Variants in CDH8 observed in about 807,000 individuals in gnomAD.
The protein encoded by CDH8 is cadherin 8.
A neutral mutation model predicts 68.1 loss-of-function variants in CDH8; 17 were observed. The observed-to-expected ratio is 0.25, with a 90% CI of 0.17 to 0.37. The LOEUF (loss-of-function observed/expected upper bound fraction) is 0.37, where lower values mean the gene tolerates loss of function less well. Ranked by LOEUF, CDH8 falls within the 10% of genes least tolerant of loss-of-function variation. The probability of loss-of-function intolerance (pLI) is 1.00; values close to 1 mark genes in which losing one functional copy is unlikely to be tolerated. For synonymous variants in CDH8, 372 were observed against 365.1 expected (o/e 1.02, Z -0.21); for missense variants, 763 against 999.3 (o/e 0.76, Z 3.19).
chr16:61,837,044 T>C (rs1359010623), intron 4 of CDH8, among the ~76,000 whole-genome samples: 1 of 151,946 alleles, frequency 6.6e-6, no homozygotes, highest in Admixed American at 6.6e-5. Context: ...TTTGAAATCC[T>C]CCTACATTCT....
chr16:61,675,613 A>T (rs1026106471), intron 10 of CDH8, among the ~76,000 whole-genome samples: 83 of 82,360 alleles, frequency 1.0e-3, no homozygotes, highest in Non-Finnish European at 1.4e-3. Context: ...AAAAAATAAA[A>T]AAAATAAAAA....
At chr16:61,958,840 A>G (rs1289359800) in intron 2 of CDH8, among the ~76,000 whole-genome samples, 1 of 152,178 alleles carries the variant, frequency 6.6e-6, no homozygotes, top group Non-Finnish European at 1.5e-5. Context: ...TCTCTACTCA[A>G]GAGTATGACA....
At chr16:61,979,572 G>A (rs571572718) in intron 2 of CDH8, among the ~76,000 whole-genome samples, 578 of 151,950 alleles carry the variant, frequency 3.8e-3, no homozygotes, top group Non-Finnish European at 5.5e-3. Flanking sequence ...AATAGGCACA[G>A]GGGGTAAAAA....
At chr16:61,774,208 A>T (rs1181083230) in intron 8 of CDH8, among the ~76,000 whole-genome samples, 3 of 152,002 alleles carry the variant, frequency 2.0e-5, no homozygotes, top group African/African-American at 4.8e-5. Context: ...GCATTATTCA[A>T]GGCTTACCTC....
chr16:62,019,367 A>C (rs1182532507), intron 2 of CDH8, among the ~76,000 whole-genome samples: 1 of 152,198 alleles, frequency 6.6e-6, no homozygotes, highest in East Asian at 1.9e-4. Flanking sequence ...ATAATTTACC[A>C]GCTCTGTGAT....
At chr16:61,720,597 C>G (rs1959209588) in intron 9 of CDH8, among the ~76,000 whole-genome samples, 1 of 150,800 alleles carries the variant, frequency 6.6e-6, no homozygotes, top group Non-Finnish European at 1.5e-5. Context: ...GCAAGTAAAA[C>G]TTCGAAAGGT....
chr16:61,744,947 G>T, intron 8 of CDH8, among the ~76,000 whole-genome samples: 1 of 147,682 alleles, frequency 6.8e-6, no homozygotes. Context: ...ATATTATTTT[G>T]TATTTTTCCA....
At chr16:61,766,352 T>C (rs1440357770) in intron 8 of CDH8, among the ~76,000 whole-genome samples, 1 of 152,022 alleles carries the variant, frequency 6.6e-6, no homozygotes, top group Non-Finnish European at 1.5e-5. Context: ...TTCCATGGTA[T>C]ACATACATAT....
intron 8 of CDH8, among the ~76,000 whole-genome samples, chr16:61,781,696 T>C (rs1961060507): frequency 6.6e-6 from 1 of 152,184 alleles, no homozygotes; most frequent in African/African-American, 2.4e-5. Flanking sequence ...GAAGACTGGA[T>C]TTTTTTGAGC....
At chr16:61,989,191 T>C (rs1266035125) in intron 2 of CDH8, among the ~76,000 whole-genome samples, 6 of 152,146 alleles carry the variant, frequency 3.9e-5, no homozygotes, top group African/African-American at 1.4e-4. Context: ...AGATGAAAAA[T>C]AAAAGGGATG....
intron 3 of CDH8, among the ~76,000 whole-genome samples, chr16:61,863,751 C>T (rs1204566497): frequency 6.6e-6 from 1 of 152,132 alleles, no homozygotes; most frequent in African/African-American, 2.4e-5. Flanking sequence ...CAGAACAATG[C>T]ACATTCTTGG....
At chr16:61,913,994 T>A (rs1170120022) in intron 2 of CDH8, among the ~76,000 whole-genome samples, 1 of 152,088 alleles carries the variant, frequency 6.6e-6, no homozygotes, top group African/African-American at 2.4e-5. Flanking sequence ...CAAAAATGAT[T>A]ATGTTGAAAT....
chr16:61,852,756 T>C (rs1962961760), intron 4 of CDH8, among the ~76,000 whole-genome samples: 1 of 152,058 alleles, frequency 6.6e-6, no homozygotes, highest in South Asian at 2.1e-4. Flanking sequence ...TTTCTCTTTC[T>C]ATTAATTTGC....
Position 61,789,365 on chromosome 16 carries a change from T to A in CDH8, c.1395A>T (p.Thr465=), listed in dbSNP as rs758350265. The A allele has an allele frequency of 1.2e-6, 2 of 1,611,552 alleles. No homozygotes were observed. The highest frequency in any genetic ancestry group is 2.2e-5 in the East Asian group (1 of 44,716). The change falls in exon 8 of 12, where the codon ACA becomes ACT. Residue 465 remains threonine, a synonymous_variant. Coordinates refer to ENST00000577390, the MANE Select transcript of CDH8 (RefSeq NM_001796.5). The part of the protein sequence containing the change: ...DRELSVWHNI[T]IIATEIRNHS... ...ACTTACTAATTTCAGTAGCAATGAT[T>A]GTTATGTTGTGCCATACACTTAATT...
Position 61,972,986 on chromosome 16 carries a change from T to C in CDH8, c.252+48166A>G, listed in dbSNP as rs112591799. Among the ~76,000 whole-genome samples the C allele has an allele frequency of 3.9e-3, 588 of 152,282 alleles. 9 individuals are homozygous for C. The highest frequency in any genetic ancestry group is 0.013 in the African/African-American group (546 of 41,566). On this transcript the variant is annotated intron_variant, in intron 2 of 11. Transcript: ENST00000577390. ...GCTACTTTCTCCAAGTAACAGAAAA[T>C]TCAAGTCTAAATAGCTGAAAATACA... is the stretch of plus-strand genomic sequence containing the variant.
At chr16:61,894,419 T>G (rs994887624) in intron 3 of CDH8, among the ~76,000 whole-genome samples, 2 of 152,168 alleles carry the variant, frequency 1.3e-5, no homozygotes, top group Non-Finnish European at 1.5e-5. Flanking sequence ...GATTATTTGA[T>G]GAGGTCTGTG....
chr16:61,972,571 G>GGGGTGTGTGTGTGTGTGT (rs369833002), intron 2 of CDH8, among the ~76,000 whole-genome samples: 1 of 131,466 alleles, frequency 7.6e-6, no homozygotes, highest in Non-Finnish European at 1.7e-5. Flanking sequence ...ACACATTGTG[G>GGGGTGTGTGTGTGTGTGT]GTGTGTGTGT....
chr16:61,687,113 T>C (rs1290436143), intron 10 of CDH8, among the ~76,000 whole-genome samples: 2 of 151,942 alleles, frequency 1.3e-5, no homozygotes, highest in South Asian at 2.1e-4. Context: ...AAATGAACCA[T>C]TGAACAGTAT....
intron 10 of CDH8, among the ~76,000 whole-genome samples, chr16:61,677,034 C>CT (rs1283153808): frequency 6.6e-6 from 1 of 151,898 alleles, no homozygotes; most frequent in Non-Finnish European, 1.5e-5. Context: ...AAAAAGATGG[C>CT]TTTTTATAAA....
Sources: allele counts gnomAD v4.1 joint callset (sites outside exome capture counted in the v4.1 genomes callset), GRCh38; gene constraint gnomAD v4.1.1; transcripts MANE v1.5; gene names NCBI Gene and HGNC (gene_info 2026-07-23, HGNC 2026-07-21).